Variants in NLRX1 observed in about 807,000 individuals in gnomAD.
NLRX1 encodes NLR family member X1, also known as NOD-like receptor X1.
A neutral mutation model predicts 74.2 loss-of-function variants in NLRX1; 67 were observed. The ratio of observed to expected loss-of-function variants is 0.90; its 90% CI spans 0.74 to 1.11. NLRX1 has a LOEUF of 1.11. Ranked by LOEUF, NLRX1 falls within the 50% of genes least tolerant of loss-of-function variation. The pLI is 0.00. For missense variants in NLRX1, 1,191 were observed against 1,305.4 expected (o/e 0.91, Z 1.35); for synonymous variants, 506 against 559.1 (o/e 0.91, Z 1.34).
intron 8 of NLRX1, 128 bp from the exon 9 acceptor site, chr11:119,181,966 G>A (rs554048555): frequency 5.4e-6 from 6 of 1,102,538 alleles, no homozygotes; most frequent in East Asian, 4.7e-5. Flanking sequence ...CCCATGCAGG[G>A]CCCTCTTTGG....
In NLRX1 at chr11:119,179,794, T is replaced by A; in HGVS notation, c.1773T>A (p.Asp591Glu). 6 of 1,614,168 alleles carry A rather than the reference T, an allele frequency of 3.7e-6. No homozygotes were observed. Among genetic ancestry groups the A allele is most frequent in the Non-Finnish European group, 5.1e-6 (6 of 1,180,020 alleles). The part of the protein sequence containing the change: ...EMFREEDYYN[D>E]DVLDQMGASI... The stretch of plus-strand genomic sequence containing the variant: ...TTCGAGAGGAGGACTACTACAACGA[T>A]GATGTTCTGGACCAGATGGGCGCCA... Residue 591 changes from aspartate (D) to glutamate (E), a missense_variant, in exon 7 of 10, where the codon GAT (aspartate) becomes GAA (glutamate). Coordinates refer to ENST00000409109, the MANE Select transcript of NLRX1 (RefSeq NM_001282144.2).
chr11:119,171,719 G>A (rs1428903641), intron 2 of NLRX1, among the ~76,000 whole-genome samples: 1 of 152,066 alleles, frequency 6.6e-6, no homozygotes, highest in Non-Finnish European at 1.5e-5. Flanking sequence ...TTGGAAGGCC[G>A]AGGCAGGCGG....
Position 119,168,895 on chromosome 11 carries a change from G to A in NLRX1, c.-456G>A, listed in dbSNP as rs968501758. On this transcript the variant is annotated 5_prime_UTR_variant, in exon 1 of 10. In the 5' UTR this introduces an upstream ATG that the reference lacks. Transcript: ENST00000409109. ...CGTCCTCTTTCGCGCCCGCTGCCAG[G>A]TGCCAGGGCCGCGCAGGCGGGCGGA... 1.3e-5 allele frequency: 2 copies of A among 152,292 alleles called. No individual in the cohort carries two copies. Among genetic ancestry groups the A allele is most frequent in the African/African-American group, 2.4e-5 (1 of 41,470 alleles). 9.4% of individuals were successfully genotyped at this position (152,292 alleles called of 1,614,324 possible).
chr11:119,174,381 G>A, intron 5 of NLRX1, 72 bp from the exon 6 acceptor site: 1 of 1,474,878 alleles, frequency 6.8e-7, no homozygotes, highest in Non-Finnish European at 9.3e-7. Context: ...CCGTCTTCAG[G>A]GGTCCCCTGG....
chr11:119,181,901 C>A (rs1389558197), intron 8 of NLRX1, among the ~76,000 whole-genome samples, 193 bp from the exon 9 acceptor site: 1 of 152,188 alleles, frequency 6.6e-6, no homozygotes, highest in African/African-American at 2.4e-5. Context: ...GCCACACCCC[C>A]TATTGCTCCA....
rs1948621620 is a variant in NLRX1, at chr11:119,173,934, CT to C, written c.686del (p.Leu229ArgfsTer16). 3.1e-6 allele frequency: 5 copies of C among 1,613,958 alleles called. No homozygotes were observed. Among genetic ancestry groups the C allele is most frequent in the African/African-American group, 1.3e-5 (1 of 75,058 alleles). On this transcript the variant is annotated frameshift_variant, in exon 5 of 10. Coordinates refer to ENST00000409109, the MANE Select transcript of NLRX1 (RefSeq NM_001282144.2). LOFTEE classifies it high-confidence loss of function. The surrounding 1 kb of genome is among the most constrained non-coding windows in gnomAD (Gnocchi z 4.0). ...RYTPLKEVLP[L>X]MAAAGSHLLF... ...CACGCCCCTGAAGGAGGTTCTGCCC[CT>C]GATGGCTGCTGCTGGGTCCCACCTC...
chr11:119,177,435 C>G lies in NLRX1; in HGVS notation c.1671+2161C>G, dbSNP rs12289758. 6.2e-3 allele frequency among the ~76,000 whole-genome samples: 937 copies of G among 151,494 alleles called. 14 individuals are homozygous for G. Among genetic ancestry groups the G allele is most frequent in the African/African-American group, 0.021 (876 of 41,322 alleles). The stretch of plus-strand genomic sequence containing the variant: ...GAAACAGACTTAGTTCCAGACCAGC[C>G]TGGCCAACATGGTGAAACCCCATCT... On this transcript the variant is annotated intron_variant, in intron 6 of 9. Transcript: ENST00000409109.
rs368202596 is a variant in NLRX1 at position 119,183,395 on chromosome 11, G to A, written c.2884G>A (p.Glu962Lys). 92 of 1,613,820 alleles carry A rather than the reference G, an allele frequency of 5.7e-5. No homozygotes were observed. Among genetic ancestry groups the A allele is most frequent in the Non-Finnish European group, 7.5e-5 (88 of 1,180,010 alleles). ...RKAQLLRVEG[E>K]VRALLEQLGS... ...GGCCCAGCTGCTGCGAGTGGAGGGC[G>A]AGGTCAGGGCCCTCCTGGAGCAGCT... Residue 962 changes from glutamate to lysine, a missense_variant, in exon 10 of 10, where the codon GAG becomes AAG. Physicochemically the swap from Glu to Lys is moderately conservative, Grantham distance 56 (BLOSUM62 1). Coordinates refer to ENST00000409109, the MANE Select transcript of NLRX1 (RefSeq NM_001282144.2). The surrounding 1 kb of genome is among the most constrained non-coding windows in gnomAD (Gnocchi z 5.7).
intron 1 of NLRX1, among the ~76,000 whole-genome samples, chr11:119,170,105 G>A (rs1412164644): frequency 6.6e-6 from 1 of 150,602 alleles, no homozygotes; most frequent in Non-Finnish European, 1.5e-5. Flanking sequence ...ATTTAGGACA[G>A]CAAGAGCAAG....
chr11:119,177,090 T>G (rs1948718846), intron 6 of NLRX1, among the ~76,000 whole-genome samples: 1 of 152,072 alleles, frequency 6.6e-6, no homozygotes, highest in Non-Finnish European at 1.5e-5. Flanking sequence ...TTTTGTTTGT[T>G]TGTTTTTTTG....
rs1451575015 is a variant in NLRX1 at position 119,183,393 on chromosome 11, G to A, written c.2882G>A (p.Gly961Asp). The A allele has an allele frequency of 6.2e-7, 1 of 1,613,874 alleles. No homozygotes were observed. The highest frequency in any genetic ancestry group is 8.5e-7 in the Non-Finnish European group (1 of 1,180,018). ...WRKAQLLRVE[G>D]EVRALLEQLG... is the part of the protein sequence containing the mutation. ...AAGGCCCAGCTGCTGCGAGTGGAGG[G>A]CGAGGTCAGGGCCCTCCTGGAGCAG... is the stretch of plus-strand genomic sequence containing the variant. Residue 961 changes from glycine (G) to aspartate (D), a missense_variant, in exon 10 of 10, where the codon GGC becomes GAC. Transcript: ENST00000409109. The surrounding 1 kb of genome is among the most constrained non-coding windows in gnomAD (Gnocchi z 5.7).
chr11:119,171,617 G>A (rs763737338), intron 2 of NLRX1, 144 bp downstream of exon 2: 13 of 592,276 alleles, frequency 2.2e-5, no homozygotes, highest in Non-Finnish European at 3.2e-5. Context: ...TGAGCATGTC[G>A]CTTCACCTTC....
chr11:119,183,274 C>T lies in NLRX1; in HGVS notation c.2763C>T (p.Leu921=). ...SVILSEVQRN[L]NSWDRARVQR... ...TCCTCAGTGAAGTCCAGCGGAACCT[C>T]AATAGCTGGGATCGGGCCCGGGTTC... The change falls in exon 10 of 10, where the codon CTC becomes CTT. Residue 921 remains leucine, a synonymous_variant. Coordinates refer to ENST00000409109, the MANE Select transcript of NLRX1 (RefSeq NM_001282144.2). The surrounding 1 kb of genome is among the most constrained non-coding windows in gnomAD (Gnocchi z 5.7). 6.2e-7 allele frequency: 1 copy of T among 1,614,222 alleles called. No homozygotes were observed. The highest frequency in any genetic ancestry group is 8.5e-7 in the Non-Finnish European group (1 of 1,180,040).
intron 6 of NLRX1, among the ~76,000 whole-genome samples, chr11:119,176,528 G>T (rs1356880198): frequency 6.6e-6 from 1 of 151,984 alleles, no homozygotes; most frequent in South Asian, 2.1e-4. Context: ...GACCAACCTG[G>T]CCAACATGGT....
chr11:119,182,352 C>A lies in NLRX1; in HGVS notation c.2606+7C>A. ...CTTCCCTGGAACTGCTACAGTGAGT[C>A]CTGTCCCTGGTCCCATTGCCCCCAG... On this transcript the variant is annotated splice_region_variant and intron_variant, in intron 9 of 9. Transcript: ENST00000409109. The A allele has an allele frequency of 6.2e-7, 1 of 1,608,566 alleles. No individual in the cohort carries two copies. The highest frequency in any genetic ancestry group is 8.5e-7 in the Non-Finnish European group (1 of 1,177,948).
At chr11:119,181,594 C>T (rs1055841927) in intron 8 of NLRX1, among the ~76,000 whole-genome samples, 1 of 152,116 alleles carries the variant, frequency 6.6e-6, no homozygotes, top group Non-Finnish European at 1.5e-5. Context: ...CGAGGAGGAC[C>T]CTAATGCTGG....
At position 119,175,155 on chromosome 11, in the gene NLRX1, G is replaced by T. The variant is rs750937770; in HGVS notation, c.1552G>T (p.Val518Leu). 46 of 1,614,092 alleles carry T rather than the reference G, an allele frequency of 2.8e-5. No homozygotes were observed. The highest frequency in any genetic ancestry group is 3.6e-5 in the Non-Finnish European group (43 of 1,180,056). ...LGLRKTTLQK[V>L]GKEVAELVGR... ...TTTGCGCAAGACGACCCTGCAAAAGGTGGGCAAGGAAGTGGCTGAGCTCGT... is the reference window on the plus strand; with the variant it reads ...TTTGCGCAAGACGACCCTGCAAAAGTTGGGCAAGGAAGTGGCTGAGCTCGT... Residue 518 changes from valine (V) to leucine (L), a missense_variant, in exon 6 of 10, where the codon GTG (valine) becomes TTG (leucine). Coordinates refer to ENST00000409109, the MANE Select transcript of NLRX1 (RefSeq NM_001282144.2).
chr11:119,172,252 C>A, intron 2 of NLRX1, 104 bp from the exon 3 acceptor site: 1 of 827,958 alleles, frequency 1.2e-6, no homozygotes, highest in Non-Finnish European at 2.1e-6. Context: ...TGCAAAGGGG[C>A]AGTACATGCT....
intron 8 of NLRX1, chr11:119,181,492 G>T: frequency 1.9e-6 from 1 of 524,384 alleles, no homozygotes; most frequent in East Asian, 3.3e-5. Flanking sequence ...ATCAGCCTGG[G>T]GGAGGTGGGG....
Sources: gnomAD v4.1 joint callset for allele counts (sites outside exome capture counted in the v4.1 genomes callset) on GRCh38, gnomAD v4.1.1 for gene constraint, Gnocchi (gnomAD v3.1) non-coding constraint, MANE v1.5 for transcripts, NCBI Gene and HGNC (gene_info 2026-07-23, HGNC 2026-07-21) for gene names.